RNLS: variants seen among roughly 807,000 people sequenced by gnomAD.
RNLS encodes the protein renalase, FAD dependent amine oxidase, also known as renalase.
A neutral mutation model predicts 39.8 loss-of-function variants in RNLS; 39 were observed. That is an observed-to-expected ratio of 0.98 (90% CI 0.76 to 1.28). The LOEUF (loss-of-function observed/expected upper bound fraction) is 1.28. Among genes scored for constraint, RNLS ranks in the 50% most tolerant of loss-of-function variants. The pLI, the probability that RNLS is intolerant of heterozygous loss-of-function variation, is 0.00. For missense variants in RNLS, 410 were observed against 413.3 expected (o/e 0.99, Z 0.07); for synonymous variants, 147 against 150.7 (o/e 0.98, Z 0.18).
chr10:88,513,068 G>T (rs960758024), intron 4 of RNLS, among the ~76,000 whole-genome samples: 8 of 152,032 alleles, frequency 5.3e-5, no homozygotes, highest in Non-Finnish European at 1.0e-4. Flanking sequence ...GAATGCACAT[G>T]ATTCAAAATT....
intron 4 of RNLS, among the ~76,000 whole-genome samples, chr10:88,376,103 C>T (rs979757480): frequency 9.9e-5 from 15 of 152,048 alleles, no homozygotes; most frequent in African/African-American, 3.6e-4. Context: ...CTCCTGTGAT[C>T]GAAGTTAATC....
chr10:88,565,737 C>T (rs1224423483), intron 4 of RNLS, among the ~76,000 whole-genome samples: 5 of 146,704 alleles, frequency 3.4e-5, no homozygotes, highest in South Asian at 4.3e-4. Flanking sequence ...ACAGTGTCAA[C>T]GTTATCTTTC....
At chr10:88,450,202 A>C (rs1487093491) in intron 4 of RNLS, among the ~76,000 whole-genome samples, 1 of 152,216 alleles carries the variant, frequency 6.6e-6, no homozygotes, top group African/African-American at 2.4e-5. Flanking sequence ...AGAGAATGTC[A>C]AAAGATGGAA....
intron 4 of RNLS, among the ~76,000 whole-genome samples, chr10:88,542,311 G>A (rs1848088421): frequency 1.3e-5 from 2 of 152,120 alleles, no homozygotes; most frequent in African/African-American, 4.8e-5. Context: ...GAGTCAGCAC[G>A]TGACTGGGAA....
rs542036807 is a variant in RNLS at position 88,381,077 on chromosome 10, T to C, written c.527-18352A>G. On this transcript the variant is annotated intron_variant, in intron 4 of 6. Coordinates refer to ENST00000331772, the MANE Select transcript of RNLS (RefSeq NM_001031709.3). ...ATGTTCTGATATCCAGTAGAACGCATAGTATAGTCTAATTTTTCTTCCCCC... is the reference window on the plus strand; with the variant it reads ...ATGTTCTGATATCCAGTAGAACGCACAGTATAGTCTAATTTTTCTTCCCCC... 5.9e-5 allele frequency among the ~76,000 whole-genome samples: 9 copies of C among 152,356 alleles called. No individual in the cohort carries two copies. In the South Asian group the frequency reaches 8.3e-4, roughly 14 times the overall value.
At chr10:88,335,225 T>G (rs1219872181) in intron 5 of RNLS, among the ~76,000 whole-genome samples, 3 of 151,740 alleles carry the variant, frequency 2.0e-5, no homozygotes, top group Non-Finnish European at 4.4e-5. Context: ...TACTTTTTTT[T>G]TTTTTTCTTT....
chr10:88,418,613 G>A (rs887268854), intron 4 of RNLS, among the ~76,000 whole-genome samples: 2 of 152,030 alleles, frequency 1.3e-5, no homozygotes, highest in African/African-American at 2.4e-5. Context: ...AGCTAAAAAG[G>A]CTCTCATTTG....
At chr10:88,287,494 C>T (rs571521849) in intron 6 of RNLS, among the ~76,000 whole-genome samples, 3 of 152,194 alleles carry the variant, frequency 2.0e-5, no homozygotes, top group South Asian at 2.1e-4. Flanking sequence ...AAGAAGAAAA[C>T]GGCTAGGATT....
chr10:88,275,383 G>T (rs1842778917), intron 6 of RNLS, among the ~76,000 whole-genome samples: 2 of 151,976 alleles, frequency 1.3e-5, no homozygotes, highest in African/African-American at 4.8e-5. Flanking sequence ...TTGAATGCAG[G>T]TCTCAGTTTT....
At chr10:88,317,360 C>T (rs1845838240) in intron 5 of RNLS, among the ~76,000 whole-genome samples, 3 of 152,194 alleles carry the variant, frequency 2.0e-5, no homozygotes, top group Non-Finnish European at 4.4e-5. Context: ...AGCCTTCCTT[C>T]AAACATAAAG....
the RNLS span, among the ~76,000 whole-genome samples, chr10:88,229,955 T>C: frequency 6.6e-6 from 1 of 152,228 alleles, no homozygotes; most frequent in Non-Finnish European, 1.5e-5. Flanking sequence ...TTGCTTCTTT[T>C]GCTAAGAATT....
chr10:88,501,722 T>C (rs1473288171), intron 4 of RNLS, among the ~76,000 whole-genome samples: 1 of 152,194 alleles, frequency 6.6e-6, no homozygotes, highest in East Asian at 1.9e-4. Context: ...AAAACCCTGG[T>C]ACTCATCAGA....
intron 4 of RNLS, among the ~76,000 whole-genome samples, chr10:88,366,302 T>G (rs949332893): frequency 2.2e-4 from 33 of 152,050 alleles, no homozygotes; most frequent in African/African-American, 7.2e-4. Flanking sequence ...GCATGCCTTC[T>G]GTCTTAAAAT....
chr10:88,509,789 G>A lies in RNLS; in HGVS notation c.526+63114C>T, dbSNP rs151227108. Among the ~76,000 whole-genome samples, 264 of 152,184 alleles carry A rather than the reference G, an allele frequency of 1.7e-3. 1 individual carries two copies. The highest frequency in any genetic ancestry group is 3.2e-3 in the Non-Finnish European group (217 of 67,994). On this transcript the variant is annotated intron_variant, in intron 4 of 6. Coordinates refer to ENST00000331772, the MANE Select transcript of RNLS (RefSeq NM_001031709.3). Reference sequence around the variant, plus strand: ...CACCTATAAAGAAAGATTAAGGAAAGATTTCCTCACAGCTATGATTATTAA... The same window carrying A: ...CACCTATAAAGAAAGATTAAGGAAAAATTTCCTCACAGCTATGATTATTAA...
intron 4 of RNLS, among the ~76,000 whole-genome samples, chr10:88,454,308 T>C (rs986468289): frequency 1.3e-5 from 2 of 152,204 alleles, no homozygotes; most frequent in Non-Finnish European, 2.9e-5. Context: ...TTTCCAGCCA[T>C]ATTTTGATGG....
intron 4 of RNLS, among the ~76,000 whole-genome samples, chr10:88,471,943 C>T (rs113231385): frequency 4.0e-5 from 6 of 151,724 alleles, no homozygotes; most frequent in African/African-American, 1.4e-4. Context: ...CTCCCCCTAC[C>T]TAAAAGAAAA....
At chr10:88,294,751 G>C (rs987440248) in intron 6 of RNLS, among the ~76,000 whole-genome samples, 7 of 151,978 alleles carry the variant, frequency 4.6e-5, no homozygotes, top group Non-Finnish European at 8.8e-5. Context: ...TATATGACTG[G>C]CATTGAATAA....
intron 4 of RNLS, among the ~76,000 whole-genome samples, chr10:88,473,865 T>C (rs550409258): frequency 6.6e-6 from 1 of 152,248 alleles, no homozygotes; most frequent in Non-Finnish European, 1.5e-5. Context: ...TCACCAAGCT[T>C]CTCTCTTTCC....
the RNLS span, among the ~76,000 whole-genome samples, chr10:88,171,592 C>T: frequency 5.9e-5 from 9 of 152,240 alleles, no homozygotes; most frequent in Non-Finnish European, 1.0e-4. Flanking sequence ...AATCATTGTA[C>T]ATATTTGTGG....
Sources: allele counts gnomAD v4.1 joint callset (sites outside exome capture counted in the v4.1 genomes callset), GRCh38; gene constraint gnomAD v4.1.1; transcripts MANE v1.5; gene names NCBI Gene and HGNC (gene_info 2026-07-23, HGNC 2026-07-21).